The following DCC variants were observed in gnomAD, a reference collection of about 807,000 sequenced individuals.
The protein encoded by DCC is netrin receptor DCC.
DCC carries 58 observed loss-of-function variants against 172.5 expected under a neutral mutation model. The ratio of observed to expected loss-of-function variants is 0.34; its 90% CI spans 0.27 to 0.42. The LOEUF is 0.42. Ranked by LOEUF, DCC falls within the 10% of genes least tolerant of loss-of-function variation. The pLI, the probability that DCC is intolerant of heterozygous loss-of-function variation, is 1.00. For missense variants in DCC, 1,740 were observed against 1,791.0 expected (o/e 0.97, Z 0.51); for synonymous variants, 709 against 644.5 (o/e 1.10, Z -1.52).
chr18:53,480,619 A>G (rs1366314070), intron 25 of DCC, among the ~76,000 whole-genome samples: 1 of 152,168 alleles, frequency 6.6e-6, no homozygotes, highest in Non-Finnish European at 1.5e-5. Flanking sequence ...GCAGCCTTGC[A>G]AATTAATTAC....
At chr18:52,717,198 T>C (rs944042583) in intron 1 of DCC, among the ~76,000 whole-genome samples, 1 of 152,118 alleles carries the variant, frequency 6.6e-6, no homozygotes, top group Non-Finnish European at 1.5e-5. Context: ...CCACAACCTT[T>C]GGTGCAGAGG....
chr18:52,947,251 C>G (rs1275285990), intron 5 of DCC, among the ~76,000 whole-genome samples: 1 of 152,138 alleles, frequency 6.6e-6, no homozygotes, highest in Non-Finnish European at 1.5e-5. Flanking sequence ...TTTGTAAAAA[C>G]TAAATTATGT....
At chr18:52,345,338 A>G (rs1251651295) in intron 1 of DCC, among the ~76,000 whole-genome samples, 2 of 152,228 alleles carry the variant, frequency 1.3e-5, no homozygotes, top group Admixed American at 6.5e-5. Context: ...AGTAAATACT[A>G]TGCACATTTA....
intron 28 of DCC, among the ~76,000 whole-genome samples, chr18:53,527,570 A>AG (rs2046473337): frequency 6.6e-6 from 1 of 152,028 alleles, no homozygotes; most frequent in African/African-American, 2.4e-5. Context: ...TGACGTAATT[A>AG]AAAAATAAGA....
intron 8 of DCC, among the ~76,000 whole-genome samples, chr18:53,173,602 A>C (rs1010425732): frequency 6.6e-6 from 1 of 152,178 alleles, no homozygotes; most frequent in African/African-American, 2.4e-5. Flanking sequence ...ATAATGGTAA[A>C]GGCATCAATT....
At chr18:52,656,174 C>T (rs1252965909) in intron 1 of DCC, among the ~76,000 whole-genome samples, 3 of 150,612 alleles carry the variant, frequency 2.0e-5, no homozygotes, top group Non-Finnish European at 4.4e-5. Flanking sequence ...TTGTGTTCCA[C>T]CAAAATTCAT....
chr18:52,417,770 C>T (rs563454011), intron 1 of DCC, among the ~76,000 whole-genome samples: 3 of 152,236 alleles, frequency 2.0e-5, no homozygotes, highest in Admixed American at 2.0e-4. Flanking sequence ...GTTATACATT[C>T]GTCTAAATTT....
intron 1 of DCC, among the ~76,000 whole-genome samples, chr18:52,359,959 C>A (rs1313405862): frequency 6.6e-6 from 1 of 152,142 alleles, no homozygotes; most frequent in East Asian, 1.9e-4. Context: ...TGATTTAAAT[C>A]CTGCTCCATA....
At chr18:53,262,200 A>G (rs1463536774) in intron 12 of DCC, among the ~76,000 whole-genome samples, 2 of 152,212 alleles carry the variant, frequency 1.3e-5, no homozygotes, top group East Asian at 3.9e-4. Flanking sequence ...TTTAGCCTAC[A>G]CACTACTCTA....
chr18:53,347,849 T>C (rs1002879357), intron 15 of DCC, among the ~76,000 whole-genome samples: 3 of 152,130 alleles, frequency 2.0e-5, no homozygotes, highest in Non-Finnish European at 4.4e-5. Flanking sequence ...TGAGATCTCA[T>C]GAGGCTCATT....
chr18:53,158,826 T>C (rs1446965668), intron 8 of DCC, among the ~76,000 whole-genome samples: 1 of 151,664 alleles, frequency 6.6e-6, no homozygotes, highest in Non-Finnish European at 1.5e-5. Context: ...ACCCTGTCTC[T>C]TCTAAAAATA....
At chr18:52,791,201 AG>A (rs758994934) in intron 2 of DCC, among the ~76,000 whole-genome samples, 16 of 152,198 alleles carry the variant, frequency 1.1e-4, no homozygotes, top group Non-Finnish European at 2.2e-4. Context: ...GATTGCTAAA[AG>A]AGCCGGGCTG....
At chr18:52,845,433 G>A (rs944877568) in intron 2 of DCC, among the ~76,000 whole-genome samples, 3 of 152,188 alleles carry the variant, frequency 2.0e-5, no homozygotes, top group Non-Finnish European at 4.4e-5. Context: ...CCTAGCAATG[G>A]CTCAAAAGCA....
chr18:53,440,707 A>G (rs1292665248), intron 22 of DCC, among the ~76,000 whole-genome samples: 1 of 152,218 alleles, frequency 6.6e-6, no homozygotes, highest in African/African-American at 2.4e-5. Context: ...AGAAAAGATA[A>G]CTAGAGTAAT....
intron 13 of DCC, among the ~76,000 whole-genome samples, chr18:53,313,050 G>GGGAAGGGAAGAAGGA (rs1555651017): frequency 2.9e-5 from 3 of 105,096 alleles, no homozygotes; most frequent in Non-Finnish European, 3.9e-5. Context: ...GGGAAGAAGG[G>GGGAAGGGAAGAAGGA]AGGGAAGGAA....
At chr18:53,239,158 C>T (rs990360844) in intron 12 of DCC, among the ~76,000 whole-genome samples, 3 of 148,504 alleles carry the variant, frequency 2.0e-5, no homozygotes, top group Admixed American at 6.8e-5. Flanking sequence ...CTAACCTGCA[C>T]GTTGTGCACA....
chr18:52,786,458 T>C (rs999007900), intron 2 of DCC, among the ~76,000 whole-genome samples: 3 of 151,514 alleles, frequency 2.0e-5, no homozygotes, highest in African/African-American at 7.3e-5. Context: ...GTCCTCATTT[T>C]TGGTAAAAAA....
intron 17 of DCC, among the ~76,000 whole-genome samples, chr18:53,394,497 A>G (rs370807634): frequency 1.8e-4 from 27 of 152,248 alleles, no homozygotes; most frequent in Middle Eastern, 3.4e-3. Flanking sequence ...GACATTTTCT[A>G]TATGTTTTTC....
At chr18:52,954,234 A>G (rs2040704414) in intron 5 of DCC, among the ~76,000 whole-genome samples, 1 of 152,222 alleles carries the variant, frequency 6.6e-6, no homozygotes, top group African/African-American at 2.4e-5. Context: ...GGTTAAGCCT[A>G]GAAAATATTA....
Sources: gnomAD v4.1 joint callset for allele counts (sites outside exome capture counted in the v4.1 genomes callset) on GRCh38, gnomAD v4.1.1 for gene constraint, MANE v1.5 for transcripts, NCBI Gene and HGNC (gene_info 2026-07-23, HGNC 2026-07-21) for gene names.